The following CHEK1 variants were observed in gnomAD, a reference collection of about 807,000 sequenced individuals.
CHEK1 encodes serine/threonine-protein kinase Chk1.
In CHEK1, 32 loss-of-function variants were observed where a neutral mutation model predicts 60.2. The ratio of observed to expected loss-of-function variants is 0.53; its 90% CI spans 0.40 to 0.71. CHEK1 has a LOEUF of 0.71. CHEK1 is among the 30% of genes least tolerant of loss of function. The pLI, the probability that CHEK1 is intolerant of heterozygous loss-of-function variation, is 0.00. For missense variants in CHEK1, 399 were observed against 564.6 expected, an observed-to-expected ratio of 0.71 and a Z score of 2.97; for synonymous variants, 179 against 187.2, an observed-to-expected ratio of 0.96 and a Z score of 0.36.
chr11:125,661,964 T>C (rs1190534960), downstream of CHEK1, among the ~76,000 whole-genome samples: 1 of 152,178 alleles, frequency 6.6e-6, no homozygotes, highest in Non-Finnish European at 1.5e-5. Flanking sequence ...AACGAGGATA[T>C]TGGCATTGAT....
chr11:125,635,554 G>A, intron 7 of CHEK1, 21 bp downstream of exon 7: 5 of 1,456,060 alleles, frequency 3.4e-6, no homozygotes, highest in Non-Finnish European at 4.7e-6. Flanking sequence ...TATCTTGAGT[G>A]AAAGAGTACC....
intron 11 of CHEK1, among the ~76,000 whole-genome samples, chr11:125,650,334 T>C (rs1941668158): frequency 6.6e-6 from 1 of 152,166 alleles, no homozygotes; most frequent in Non-Finnish European, 1.5e-5. Flanking sequence ...ACATGCTTTG[T>C]AATTTTTTGT....
chr11:125,640,631 G>A (rs1331277872), intron 8 of CHEK1, among the ~76,000 whole-genome samples: 2 of 151,926 alleles, frequency 1.3e-5, no homozygotes, highest in East Asian at 2.0e-4. Flanking sequence ...GTGCAGTGGC[G>A]TGGTCTCCAC....
At chr11:125,679,212 C>CTTTTTTT (rs1337479067), downstream of CHEK1, among the ~76,000 whole-genome samples, 3 of 74,418 alleles carry the variant, frequency 4.0e-5, no homozygotes, top group Non-Finnish European at 9.0e-5. Context: ...TAATCCGTCT[C>CTTTTTTT]TTTCTTTTTT....
downstream of CHEK1, among the ~76,000 whole-genome samples, chr11:125,658,583 T>C (rs1941958589): frequency 6.6e-6 from 1 of 152,078 alleles, no homozygotes; most frequent in African/African-American, 2.4e-5. Context: ...CCTCTGTCTA[T>C]TGTTTTATAT....
intron 5 of CHEK1, among the ~76,000 whole-genome samples, chr11:125,630,818 CAGT>C (rs1324056594): frequency 6.6e-6 from 1 of 152,064 alleles, no homozygotes; most frequent in Non-Finnish European, 1.5e-5. Flanking sequence ...AGAATGCTCA[CAGT>C]GGTGATGTTT....
intron 13 of CHEK1, among the ~76,000 whole-genome samples, chr11:125,675,723 G>C (rs1007847752): frequency 3.9e-5 from 6 of 152,002 alleles, no homozygotes; most frequent in Non-Finnish European, 8.8e-5. Context: ...CATTGTGCTA[G>C]GTCCCAGGAA....
chr11:125,668,855 C>G lies in CHEK1; in HGVS notation c.*28-7073C>G, dbSNP rs550251018. Among the ~76,000 whole-genome samples the G allele has an allele frequency of 3.3e-5, 5 of 152,214 alleles. No individual in the cohort carries two copies. In the South Asian group the frequency reaches 1.0e-3, roughly 32 times the overall value. On this transcript the variant is annotated intron_variant, in intron 13 of 13. Transcript: ENST00000428830. Reference sequence around the variant, plus strand: ...TACAGGTATAAGCCACCGTCCCCAGCCTTCATTTTATTTATTAGCTTTTTA... The same window carrying G: ...TACAGGTATAAGCCACCGTCCCCAGGCTTCATTTTATTTATTAGCTTTTTA...
At chr11:125,629,140 C>A in intron 3 of CHEK1, 92 bp from the exon 4 acceptor site, 1 of 1,269,664 alleles carries the variant, frequency 7.9e-7, no homozygotes, top group Non-Finnish European at 1.1e-6. Context: ...TGCCTAAGCA[C>A]ATTTGTAAAT....
intron 13 of CHEK1, among the ~76,000 whole-genome samples, chr11:125,668,697 C>T (rs901970647): frequency 4.6e-5 from 7 of 151,956 alleles, no homozygotes; most frequent in African/African-American, 7.3e-5. Context: ...GGACTATAGG[C>T]GCATGTCACC....
At chr11:125,674,344 AT>A (rs1429934517) in intron 13 of CHEK1, among the ~76,000 whole-genome samples, 3 of 152,220 alleles carry the variant, frequency 2.0e-5, no homozygotes, top group African/African-American at 7.2e-5. Context: ...TATCAAGGAA[AT>A]TCTTAGGAAG....
At chr11:125,648,104 GTTTA>G (rs1176961157) in intron 11 of CHEK1, among the ~76,000 whole-genome samples, 8 of 72,820 alleles carry the variant, frequency 1.1e-4, no homozygotes, top group Non-Finnish European at 1.7e-4. Flanking sequence ...ATGTAATCCT[GTTTA>G]TTCTTTTTTT....
At chr11:125,651,775 AC>A (rs1941746254) in intron 11 of CHEK1, among the ~76,000 whole-genome samples, 1 of 152,212 alleles carries the variant, frequency 6.6e-6, no homozygotes, top group African/African-American at 2.4e-5. Context: ...CACTGTTCTT[AC>A]TGCGTTTCAC....
At chr11:125,678,069 G>A, downstream of CHEK1, 1 of 1,614,214 alleles carries the variant, frequency 6.2e-7, no homozygotes, top group East Asian at 2.2e-5. Flanking sequence ...CTCACCTGAA[G>A]CATGCTCACT....
chr11:125,667,421 G>A (rs1942119387), intron 13 of CHEK1, among the ~76,000 whole-genome samples: 1 of 152,090 alleles, frequency 6.6e-6, no homozygotes, highest in Non-Finnish European at 1.5e-5. Context: ...TTGGTTCTCA[G>A]CTGGAACACT....
chr11:125,645,640 A>G (rs963062861), intron 11 of CHEK1, among the ~76,000 whole-genome samples: 5 of 152,172 alleles, frequency 3.3e-5, no homozygotes, highest in Admixed American at 2.0e-4. Flanking sequence ...TGGGTGTGAT[A>G]ATACTGTGGT....
At chr11:125,645,297 T>C (rs1941460815) in intron 11 of CHEK1, among the ~76,000 whole-genome samples, 1 of 152,142 alleles carries the variant, frequency 6.6e-6, no homozygotes, top group African/African-American at 2.4e-5. Flanking sequence ...ACGAATACAT[T>C]AGCAATCCCA....
intron 13 of CHEK1, among the ~76,000 whole-genome samples, chr11:125,674,767 T>C (rs1421225220): frequency 6.6e-6 from 1 of 152,204 alleles, no homozygotes; most frequent in Non-Finnish European, 1.5e-5. Flanking sequence ...ATAAAGGGTA[T>C]TTTAAAATGC....
chr11:125,644,068 T>C, intron 9 of CHEK1, 23 bp from the exon 10 acceptor site: 1 of 1,600,186 alleles, frequency 6.2e-7, no homozygotes, highest in Non-Finnish European at 8.5e-7. Context: ...AAATGTATGT[T>C]TCTTTCTGTC....
Sources: gnomAD v4.1 joint callset for allele counts (sites outside exome capture counted in the v4.1 genomes callset) on GRCh38, gnomAD v4.1.1 for gene constraint, MANE v1.5 for transcripts, NCBI Gene and HGNC (gene_info 2026-07-23, HGNC 2026-07-21) for gene names.